Variants in DGKQ observed in about 807,000 individuals in gnomAD.
DGKQ encodes the protein diacylglycerol kinase theta.
A neutral mutation model predicts 104.2 loss-of-function variants in DGKQ; 97 were observed. The ratio of observed to expected loss-of-function variants is 0.93; its 90% CI spans 0.79 to 1.10. DGKQ has a LOEUF of 1.10. Ranked by LOEUF, DGKQ falls within the 50% of genes least tolerant of loss-of-function variation. DGKQ has a pLI of 0.00. For synonymous variants in DGKQ, 736 were observed against 595.2 expected (o/e 1.24, Z -3.44); for missense variants, 1,465 against 1,352.1 (o/e 1.08, Z -1.31).
chr4:961,233 G>C (rs752228345), intron 21 of DGKQ, 32 bp from the exon 22 acceptor site: 1 of 1,501,390 alleles, frequency 6.7e-7, no homozygotes, highest in Admixed American at 2.2e-5. Context: ...GGGCTCAGCG[G>C]GGATCAGGGA....
chr4:965,425 G>T, intron 14 of DGKQ, 66 bp downstream of exon 14: 2 of 1,566,560 alleles, frequency 1.3e-6, no homozygotes, highest in East Asian at 2.3e-5. Context: ...GAGGGCCAGG[G>T]CTGTCCCACT....
Position 968,033 on chromosome 4 carries a change from G to A in DGKQ, c.664-6C>T. ...GCGGAGCAGAGGGAGTGCGCCTGGG[G>A]GGAGAAGGGCCTGAGCTGGGGGGTT... On this transcript the variant is annotated splice_region_variant and splice_polypyrimidine_tract_variant and intron_variant, in intron 5 of 22. Transcript: ENST00000273814. The A allele has an allele frequency of 7.0e-7, 1 of 1,424,258 alleles. No homozygotes were observed. Among genetic ancestry groups the A allele is most frequent in the Non-Finnish European group, 9.1e-7 (1 of 1,098,398 alleles). The allele number at this position is 1,424,258 out of a possible 1,614,324, so 88.2% of individuals were successfully genotyped here.
rs1711727634 is a variant in DGKQ, at chr4:959,657, A to T, written c.*963T>A. The T allele has an allele frequency of 6.6e-6, 1 of 152,364 alleles. No homozygotes were observed. Among genetic ancestry groups the T allele is most frequent in the Non-Finnish European group, 1.5e-5 (1 of 68,124 alleles). 9.4% of individuals were successfully genotyped at this position (152,364 alleles called of 1,614,324 possible). On this transcript the variant is annotated 3_prime_UTR_variant, in exon 23 of 23. Transcript: ENST00000273814. ...CAGGCACTGGGAACTGCACATCAAC[A>T]GCGGGCAAGCAGCGTGGAAAGTGCT...
intron 20 of DGKQ, 38 bp downstream of exon 20, chr4:961,650 G>A (rs762363408): frequency 1.1e-5 from 17 of 1,610,774 alleles, no homozygotes; most frequent in South Asian, 5.5e-5. Flanking sequence ...CCATGGCCCC[G>A]CCGGGCAGAG....
rs200931192 is a variant in DGKQ at position 961,563 on chromosome 4, G to A, written c.2478C>T (p.Ala826=). 9 of 1,608,784 alleles carry A rather than the reference G, an allele frequency of 5.6e-6. No homozygotes were observed. Among genetic ancestry groups the A allele is most frequent in the African/African-American group, 2.7e-5 (2 of 74,914 alleles). ...TGTCGCTGTCGGAGCCCCACAGGTC[G>A]GCCCCCGAGCCCCAGCTGCCGCATA... ...FINIPSWGSG[A]DLWGSDSDTR... The change falls in exon 21 of 23, where the codon GCC becomes GCT. Residue 826 remains alanine, a synonymous_variant. Transcript: ENST00000273814.
intron 11 of DGKQ, 105 bp downstream of exon 11, chr4:966,643 A>G (rs922456101): frequency 1.3e-5 from 20 of 1,503,810 alleles, no homozygotes; most frequent in Non-Finnish European, 4.5e-6. Context: ...AGGAGGGCAG[A>G]GCCCGGCCTT....
rs1713110743 is a variant in DGKQ at position 973,496 on chromosome 4, G to A, written c.-14C>T. The A allele has an allele frequency of 6.1e-6, 6 of 987,432 alleles. No homozygotes were observed. Among genetic ancestry groups the A allele is most frequent in the Non-Finnish European group, 7.2e-6 (6 of 832,326 alleles). The allele number at this position is 987,432 out of a possible 1,614,324, so 61.2% of individuals were successfully genotyped here. ...CGCCGCCGCCATTCCCGGCCCGAGC[G>A]GCCCGAGCCCCTTTAGGTCCGCGCC... On this transcript the variant is annotated 5_prime_UTR_variant, in exon 1 of 23. Coordinates refer to ENST00000273814, the MANE Select transcript of DGKQ (RefSeq NM_001347.4).
rs911032522 is a variant in DGKQ at position 959,939 on chromosome 4, G to A, written c.*681C>T. 6.6e-6 allele frequency: 1 copy of A among 152,232 alleles called. No homozygotes were observed. Among genetic ancestry groups the A allele is most frequent in the Non-Finnish European group, 1.5e-5 (1 of 68,046 alleles). 9.4% of individuals were successfully genotyped at this position (152,232 alleles called of 1,614,324 possible). On this transcript the variant is annotated 3_prime_UTR_variant, in exon 23 of 23. Transcript: ENST00000273814. ...AGAGGCACTAGGAAAGGGCCACCAG[G>A]TCCAGCTGGGCACTGCCTGCCCCTG...
At chr4:961,240 G>C (rs1192553958) in intron 21 of DGKQ, 39 bp from the exon 22 acceptor site, 1 of 1,492,330 alleles carries the variant, frequency 6.7e-7, no homozygotes, top group African/African-American at 1.4e-5. Context: ...GCGGGGATCA[G>C]GGACGCCCAC....
At position 967,266 on chromosome 4, in the gene DGKQ, A is replaced by T. The variant is rs1297478020; in HGVS notation, c.1083T>A (p.Ala361=). The part of the protein sequence containing the change: ...PPSSQACDAW[A]GGKAGSAVIS... ...TCACAGCACTCCCAGCCTTGCCCCC[A>T]GCCCAGGCGTCACAGGCCTGAGAGG... The change falls in exon 9 of 23, where the codon GCT becomes GCA. Residue 361 remains alanine, a synonymous_variant. Coordinates refer to ENST00000273814, the MANE Select transcript of DGKQ (RefSeq NM_001347.4). 2 of 1,554,474 alleles carry T rather than the reference A, an allele frequency of 1.3e-6. No individual in the cohort carries two copies. The highest frequency in any genetic ancestry group is 4.8e-5 in the East Asian group (2 of 41,908).
intron 12 of DGKQ, 114 bp downstream of exon 12, chr4:966,352 C>T: frequency 8.2e-7 from 1 of 1,225,390 alleles, no homozygotes; most frequent in Non-Finnish European, 1.2e-6. Flanking sequence ...TCAGCCAGGA[C>T]AGCCGCTGCC....
At position 966,972 on chromosome 4, in the gene DGKQ, C is replaced by T. The variant is rs764798639; in HGVS notation, c.1303G>A (p.Gly435Ser). The T allele has an allele frequency of 6.4e-6, 10 of 1,562,956 alleles. No homozygotes were observed. Among genetic ancestry groups the T allele is most frequent in the Admixed American group, 3.7e-5 (2 of 53,542 alleles). Residue 435 changes from glycine to serine, a missense_variant, in exon 10 of 23, where the codon GGC becomes AGC. Gly to Ser is a moderately conservative substitution (Grantham distance 56, BLOSUM62 0). Coordinates refer to ENST00000273814, the MANE Select transcript of DGKQ (RefSeq NM_001347.4). The stretch of plus-strand genomic sequence containing the variant: ...AGGCACAGGGTACGCACCTGGCGGC[C>T]GAGCAGCGGCAGGACCTCCAGCACC... ...SVVLEVLPLL[G>S]RQAESPESFQ...
At position 966,538 on chromosome 4, in the gene DGKQ, G is replaced by A; in HGVS notation, c.1367-11C>T. ...GCATCGTCCGCTGGACTGCAGAGGT[G>A]AGGGCACAGGCCGTCAGCACCCGGC... On this transcript the variant is annotated splice_polypyrimidine_tract_variant and intron_variant, in intron 11 of 22. Transcript: ENST00000273814. 1 of 1,610,740 alleles carries A rather than the reference G, an allele frequency of 6.2e-7. No individual in the cohort carries two copies. The highest frequency in any genetic ancestry group is 8.5e-7 in the Non-Finnish European group (1 of 1,178,582).
rs929739315 is a variant in DGKQ at position 968,148 on chromosome 4, C to T, written c.664-121G>A. On this transcript the variant is annotated intron_variant, in intron 5 of 22. Coordinates refer to ENST00000273814, the MANE Select transcript of DGKQ (RefSeq NM_001347.4). Reference sequence around the variant, plus strand: ...CACCTGGACCCCGTGTCCTTCCTGCCGCCCGCCCCCGAGCACCCACCTGGA... The same window carrying T: ...CACCTGGACCCCGTGTCCTTCCTGCTGCCCGCCCCCGAGCACCCACCTGGA... The T allele has an allele frequency of 4.2e-5, 36 of 851,270 alleles. No individual in the cohort carries two copies. In the East Asian group the frequency reaches 8.6e-4, roughly 20 times the overall value. The allele number at this position is 851,270 out of a possible 1,614,324, so 52.7% of individuals were successfully genotyped here.
rs1422620289 is a variant in DGKQ at position 962,627 on chromosome 4, A to G, written c.2036-14T>C. 2 of 1,605,304 alleles carry G rather than the reference A, an allele frequency of 1.2e-6. No individual in the cohort carries two copies. The highest frequency in any genetic ancestry group is 2.2e-5 in the South Asian group (2 of 90,878). ...CAAGGTCATTCCCTGGGACACAAGC[A>G]GACACAGAGCATCTGTCCACACCCA... is the stretch of plus-strand genomic sequence containing the variant. On this transcript the variant is annotated splice_polypyrimidine_tract_variant and intron_variant, in intron 17 of 22. Transcript: ENST00000273814.
At chr4:968,611 C>A (rs768761597) in intron 3 of DGKQ, 47 bp from the exon 4 acceptor site, 1 of 1,529,758 alleles carries the variant, frequency 6.5e-7, no homozygotes, top group Non-Finnish European at 8.8e-7. Flanking sequence ...CCGGAGGACC[C>A]CTGCCTCTGC....
Position 961,313 on chromosome 4 carries a change from A to C in DGKQ, c.2575-112T>G, listed in dbSNP as rs28516743. On this transcript the variant is annotated intron_variant, in intron 21 of 22. Transcript: ENST00000273814. ...CAGGGACCAGGGACGCCCACCCTGG[A>C]CCTGGCCCTGGGGCGGGAGAGGCCA... 3.9e-3 allele frequency: 4,829 copies of C among 1,251,322 alleles called. 172 individuals are homozygous for C. The African/African-American group carries it at 0.068, about 18-fold the overall frequency. The allele number at this position is 1,251,322 out of a possible 1,614,324, so 77.5% of individuals were successfully genotyped here.
Position 967,198 on chromosome 4 carries a change from G to A in DGKQ, c.1151C>T (p.Pro384Leu), listed in dbSNP as rs574042832. ...GRSPGSGEAT[P>L]EAWVIRALPR... is the part of the protein sequence containing the mutation. Reference sequence around the variant, plus strand: ...CAGAGCCCGGATGACCCAGGCCTCTGGCGTGGCCTCGCCGGACCCGGGGCT... The same window carrying A: ...CAGAGCCCGGATGACCCAGGCCTCTAGCGTGGCCTCGCCGGACCCGGGGCT... Residue 384 changes from proline to leucine, a missense_variant, in exon 9 of 23, where the codon CCA (proline) becomes CTA (leucine). Physicochemically the swap from Pro to Leu is moderately conservative, Grantham distance 98 (BLOSUM62 -3). Coordinates refer to ENST00000273814, the MANE Select transcript of DGKQ (RefSeq NM_001347.4). 5.0e-6 allele frequency: 8 copies of A among 1,595,664 alleles called. No homozygotes were observed. Among genetic ancestry groups the A allele is most frequent in the South Asian group, 1.1e-5 (1 of 88,014 alleles).
chr4:970,437 C>T (rs1712837675), intron 2 of DGKQ, among the ~76,000 whole-genome samples: 1 of 152,232 alleles, frequency 6.6e-6, no homozygotes, highest in African/African-American at 2.4e-5. Context: ...GGGCCAGTCA[C>T]CTCCCTGCCC....
Sources: allele counts gnomAD v4.1 joint callset (sites outside exome capture counted in the v4.1 genomes callset), GRCh38; gene constraint gnomAD v4.1.1; transcripts MANE v1.5; gene names NCBI Gene and HGNC (gene_info 2026-07-23, HGNC 2026-07-21).